Variants in POPDC1 observed in about 807,000 individuals in gnomAD.
The protein encoded by POPDC1 is popeye domain cAMP effector 1, also known as popeye domain-containing protein 1.
the POPDC1 span, among the ~76,000 whole-genome samples, chr6:105,112,830 C>T: frequency 8.5e-5 from 13 of 152,114 alleles, no homozygotes; most frequent in African/African-American, 3.1e-4. Flanking sequence ...AATGCAAGAA[C>T]AGATGTGAAG....
chr6:105,099,193 A>G, the POPDC1 span: 5 of 152,216 alleles, frequency 3.3e-5, no homozygotes, highest in African/African-American at 7.2e-5. Context: ...TCAATAAACC[A>G]ACATCTGAAG....
the POPDC1 span, chr6:105,129,589 A>AC: frequency 1.5e-6 from 2 of 1,313,938 alleles, no homozygotes; most frequent in Non-Finnish European, 1.0e-6. Context: ...CTATATATAC[A>AC]GTAGTCCTCC....
the POPDC1 span, among the ~76,000 whole-genome samples, chr6:105,105,868 C>CT: frequency 6.6e-6 from 1 of 152,088 alleles, no homozygotes; most frequent in Non-Finnish European, 1.5e-5. Context: ...TTTCAAATCA[C>CT]TTTTGTTCTT....
the POPDC1 span, among the ~76,000 whole-genome samples, chr6:105,134,253 A>G: frequency 6.6e-6 from 1 of 152,226 alleles, no homozygotes; most frequent in East Asian, 1.9e-4. Context: ...TCTCTACTTT[A>G]TTTCCCATAA....
the POPDC1 span, among the ~76,000 whole-genome samples, chr6:105,122,153 A>G: frequency 3.3e-5 from 5 of 152,322 alleles, no homozygotes; most frequent in Non-Finnish European, 4.4e-5. Flanking sequence ...TTTGTAAACA[A>G]TCAAAGTACA....
chr6:105,133,981 C>G, the POPDC1 span, among the ~76,000 whole-genome samples: 4 of 152,034 alleles, frequency 2.6e-5, no homozygotes, highest in Non-Finnish European at 5.9e-5. Context: ...TCTAGTCTTC[C>G]ATCAAATTCC....
At chr6:105,111,578 G>C in the POPDC1 span, among the ~76,000 whole-genome samples, 1 of 152,204 alleles carries the variant, frequency 6.6e-6, no homozygotes, top group African/African-American at 2.4e-5. Flanking sequence ...ATGGGAAAGT[G>C]AAAGAGTTAA....
chr6:105,105,318 C>T, the POPDC1 span, among the ~76,000 whole-genome samples: 1 of 152,206 alleles, frequency 6.6e-6, no homozygotes, highest in African/African-American at 2.4e-5. Context: ...GCCAACCCCT[C>T]GCTTGGAATT....
the POPDC1 span, chr6:105,100,081 TGA>T: frequency 6.6e-6 from 1 of 152,208 alleles, no homozygotes; most frequent in Admixed American, 6.5e-5. Context: ...GAGTAAAATC[TGA>T]GAGTTTTGTT....
At chr6:105,108,986 G>A in the POPDC1 span, among the ~76,000 whole-genome samples, 1 of 152,042 alleles carries the variant, frequency 6.6e-6, no homozygotes, top group African/African-American at 2.4e-5. Context: ...TTTTTGAGCA[G>A]GGTCTCACTC....
chr6:105,125,244 T>C, the POPDC1 span: 34 of 875,756 alleles, frequency 3.9e-5, 1 homozygote, highest in African/African-American at 4.9e-4. Flanking sequence ...TTGTAAAGTA[T>C]AGTTGTAGCA....
chr6:105,117,054 G>A, the POPDC1 span, among the ~76,000 whole-genome samples: 1 of 152,134 alleles, frequency 6.6e-6, no homozygotes, highest in South Asian at 2.1e-4. Context: ...TTTTAAAAAA[G>A]CAATCTGCAG....
chr6:105,117,768 A>G, the POPDC1 span, among the ~76,000 whole-genome samples: 1 of 152,234 alleles, frequency 6.6e-6, no homozygotes, highest in African/African-American at 2.4e-5. Flanking sequence ...GGGATTGTGT[A>G]TCTTCACGTC....
chr6:105,111,157 GCA>G, the POPDC1 span, among the ~76,000 whole-genome samples: 324 of 152,244 alleles, frequency 2.1e-3, no homozygotes, highest in Admixed American at 3.7e-3. Context: ...CCAACTGATT[GCA>G]TTGCCTACAT....
the POPDC1 span, among the ~76,000 whole-genome samples, chr6:105,110,931 C>T: frequency 1.3e-5 from 2 of 152,180 alleles, no homozygotes; most frequent in Non-Finnish European, 2.9e-5. Flanking sequence ...AGAGATCCTC[C>T]TGCCTTGGCC....
the POPDC1 span, chr6:105,100,830 A>G: frequency 3.8e-6 from 1 of 264,966 alleles, no homozygotes. Flanking sequence ...TATCTAGAAA[A>G]GACTGTGAAA....
chr6:105,122,528 A>G, the POPDC1 span, among the ~76,000 whole-genome samples: 6,564 of 152,244 alleles, frequency 0.043, 471 homozygotes, highest in African/African-American at 0.15. Context: ...GCCTCTTGGG[A>G]ACCACTTGAT....
the POPDC1 span, among the ~76,000 whole-genome samples, chr6:105,126,636 C>T: frequency 6.6e-6 from 1 of 152,096 alleles, no homozygotes; most frequent in African/African-American, 2.4e-5. Flanking sequence ...GTTTCACACA[C>T]ACAAAAAATT....
At chr6:105,133,396 G>T in the POPDC1 span, 1 of 1,613,712 alleles carries the variant, frequency 6.2e-7, no homozygotes, top group South Asian at 1.1e-5. Context: ...AAGGTGAAGA[G>T]TAGTTGGAAT....
Sources: allele counts gnomAD v4.1 joint callset (sites outside exome capture counted in the v4.1 genomes callset), GRCh38; gene constraint gnomAD v4.1.1; transcripts MANE v1.5; gene names NCBI Gene and HGNC (gene_info 2026-07-23, HGNC 2026-07-21).